The following EYA1 variants were observed in gnomAD, a reference collection of about 807,000 sequenced individuals.
The protein encoded by EYA1 is protein phosphatase EYA1.
A neutral mutation model predicts 82.0 loss-of-function variants in EYA1; 16 were observed. The observed-to-expected ratio is 0.20, with a 90% CI of 0.13 to 0.30. EYA1 has a LOEUF of 0.30. Ranked by LOEUF, EYA1 falls within the 10% of genes least tolerant of loss-of-function variation. EYA1 has a pLI of 1.00. For synonymous variants in EYA1, 261 were observed against 264.4 expected (o/e 0.99, Z 0.12); for missense variants, 633 against 730.7 (o/e 0.87, Z 1.54).
intron 9 of EYA1, among the ~76,000 whole-genome samples, chr8:71,275,573 AAGAC>A (rs1432725125): frequency 1.3e-5 from 2 of 152,194 alleles, no homozygotes; most frequent in Non-Finnish European, 2.9e-5. Flanking sequence ...TGGGCACAGA[AAGAC>A]AGGTGAGGTT....
intron 2 of EYA1, among the ~76,000 whole-genome samples, chr8:71,432,098 CT>C (rs1335480044): frequency 2.6e-5 from 4 of 152,288 alleles, no homozygotes; most frequent in Middle Eastern, 3.4e-3. Flanking sequence ...CTCTGAACTT[CT>C]TTTTATACTT....
chr8:71,527,624 T>C (rs1315883236), intron 2 of EYA1, among the ~76,000 whole-genome samples: 2 of 152,196 alleles, frequency 1.3e-5, no homozygotes, highest in Non-Finnish European at 2.9e-5. Flanking sequence ...GTAAAATCCT[T>C]GGATTCCCCA....
At chr8:71,482,724 G>A (rs200735298) in intron 2 of EYA1, among the ~76,000 whole-genome samples, 4 of 152,126 alleles carry the variant, frequency 2.6e-5, no homozygotes, top group African/African-American at 7.2e-5. Flanking sequence ...TGACATACAC[G>A]ATAACATAGA....
chr8:71,359,995 A>C (rs898703828), intron 1 of EYA1, among the ~76,000 whole-genome samples: 17 of 152,190 alleles, frequency 1.1e-4, no homozygotes, highest in African/African-American at 4.1e-4. Flanking sequence ...TCATTGTTGT[A>C]ATGAAAACTT....
intron 2 of EYA1, among the ~76,000 whole-genome samples, chr8:71,503,348 C>T (rs996766473): frequency 6.6e-6 from 1 of 151,996 alleles, no homozygotes; most frequent in African/African-American, 2.4e-5. Context: ...TGGCATGCAC[C>T]TGTAGTCCCA....
At chr8:71,356,546 T>C in intron 1 of EYA1, 35 bp from the exon 2 acceptor site, 2 of 1,551,078 alleles carry the variant, frequency 1.3e-6, no homozygotes, top group East Asian at 4.8e-5. Context: ...GAAGATGTTG[T>C]TACTCTGCTT....
chr8:71,208,407 G>A (rs1427079463), intron 17 of EYA1, among the ~76,000 whole-genome samples: 1 of 151,660 alleles, frequency 6.6e-6, no homozygotes, highest in Non-Finnish European at 1.5e-5. Context: ...ACTCCAGCCT[G>A]GGTGACGGAG....
intron 16 of EYA1, among the ~76,000 whole-genome samples, chr8:71,212,628 T>C (rs1218755683): frequency 6.6e-6 from 1 of 152,224 alleles, no homozygotes; most frequent in Non-Finnish European, 1.5e-5. Context: ...TTTTTCACAA[T>C]AGAGGTTAAG....
chr8:71,227,181 T>A (rs1563652497), intron 12 of EYA1, among the ~76,000 whole-genome samples: 2 of 151,878 alleles, frequency 1.3e-5, no homozygotes, highest in African/African-American at 4.8e-5. Flanking sequence ...TAAATATCAT[T>A]TTTTTTTGGA....
In EYA1 at chr8:71,267,706, G is replaced by A. The variant is rs573916640; in HGVS notation, c.1050+2034C>T. Among the ~76,000 whole-genome samples the A allele has an allele frequency of 8.7e-4, 132 of 152,120 alleles. 1 individual carries two copies. Among genetic ancestry groups the A allele is most frequent in the African/African-American group, 3.0e-3 (126 of 41,512 alleles). On this transcript the variant is annotated intron_variant, in intron 11 of 17. Transcript: ENST00000340726. ...TGGGACTACAGGCACCTGCCACCACGCCTGGCTAATTTTTTGTATTTTTAG... is the reference window on the plus strand; with the variant it reads ...TGGGACTACAGGCACCTGCCACCACACCTGGCTAATTTTTTGTATTTTTAG...
At chr8:71,216,651 G>C (rs751849951) in intron 14 of EYA1, 41 bp downstream of exon 14, 1 of 1,599,246 alleles carries the variant, frequency 6.3e-7, no homozygotes, top group Non-Finnish European at 8.6e-7. Flanking sequence ...ATTGTATCTG[G>C]ACTGTCTTAA....
At chr8:71,476,854 G>C (rs943973205) in intron 2 of EYA1, among the ~76,000 whole-genome samples, 1 of 152,006 alleles carries the variant, frequency 6.6e-6, no homozygotes, top group African/African-American at 2.4e-5. Context: ...ATACAAAAAA[G>C]TGTTGTACTG....
At chr8:71,372,822 G>T (rs1257339691) in intron 2 of EYA1, among the ~76,000 whole-genome samples, 3 of 152,038 alleles carry the variant, frequency 2.0e-5, no homozygotes, top group Non-Finnish European at 4.4e-5. Flanking sequence ...TTCAAGGTTG[G>T]TTTAACATTC....
At chr8:71,292,964 A>C (rs1342991985) in intron 9 of EYA1, among the ~76,000 whole-genome samples, 1 of 152,078 alleles carries the variant, frequency 6.6e-6, no homozygotes, top group African/African-American at 2.4e-5. Flanking sequence ...GAAGTTAATA[A>C]AATTAAAAAC....
intron 2 of EYA1, among the ~76,000 whole-genome samples, chr8:71,485,708 G>T (rs1563662350): frequency 6.6e-6 from 1 of 151,996 alleles, no homozygotes; most frequent in Non-Finnish European, 1.5e-5. Context: ...AACCTGCAAG[G>T]TTATTCTCTT....
At chr8:71,488,528 C>T (rs1563665865) in intron 2 of EYA1, among the ~76,000 whole-genome samples, 1 of 152,110 alleles carries the variant, frequency 6.6e-6, no homozygotes, top group African/African-American at 2.4e-5. Context: ...CACTTAGAAG[C>T]ACAGCCGATC....
chr8:71,524,209 C>T (rs1380163901), intron 2 of EYA1, among the ~76,000 whole-genome samples: 1 of 152,156 alleles, frequency 6.6e-6, no homozygotes, highest in Non-Finnish European at 1.5e-5. Flanking sequence ...TTTTTGAACT[C>T]ATTTTTAAAG....
Position 71,346,452 on chromosome 8 carries a change from A to ATATATG in EYA1, c.124+8329_124+8330insCATATA, listed in dbSNP as rs1011248214. Among the ~76,000 whole-genome samples the ATATATG allele has an allele frequency of 8.5e-4, 114 of 134,632 alleles. 1 individual carries two copies. The highest frequency in any genetic ancestry group is 3.3e-3 in the African/African-American group (108 of 32,654). The allele number at this position is 134,632 out of a possible 152,430, so 88.3% of individuals were successfully genotyped here. On this transcript the variant is annotated intron_variant, in intron 3 of 17. Transcript: ENST00000340726. Reference sequence around the variant, plus strand: ...AGTGAATATATATATATATATATATATATCTATATATATCCTTCTCCCTGC... The same window carrying ATATATG: ...AGTGAATATATATATATATATATATATATATGTATCTATATATATCCTTCTCCCTGC...
At chr8:71,240,176 C>T (rs751728883) in intron 12 of EYA1, among the ~76,000 whole-genome samples, 1 of 151,972 alleles carries the variant, frequency 6.6e-6, no homozygotes, top group African/African-American at 2.4e-5. Context: ...TTACATAATG[C>T]TATTACCTAA....
Sources: gnomAD v4.1 joint callset for allele counts (sites outside exome capture counted in the v4.1 genomes callset) on GRCh38, gnomAD v4.1.1 for gene constraint, MANE v1.5 for transcripts, NCBI Gene and HGNC (gene_info 2026-07-23, HGNC 2026-07-21) for gene names.